The following ASAP2 variants were observed in gnomAD, a reference collection of about 807,000 sequenced individuals.
ASAP2 encodes ArfGAP with SH3 domain, ankyrin repeat and PH domain 2, also known as arf-GAP with SH3 domain, ANK repeat and PH domain-containing protein 2.
In ASAP2, 45 loss-of-function variants were observed where a neutral mutation model predicts 131.4. The observed-to-expected ratio is 0.34, with a 90% CI of 0.27 to 0.44. The LOEUF is 0.44. ASAP2 is among the 20% of genes least tolerant of loss of function. The pLI is 1.00. For missense variants in ASAP2, 1,011 were observed against 1,297.0 expected, an observed-to-expected ratio of 0.78 and a Z score of 3.39; for synonymous variants, 510 against 503.0, an observed-to-expected ratio of 1.01 and a Z score of -0.19.
intron 1 of ASAP2, among the ~76,000 whole-genome samples, chr2:9,269,393 G>A (rs1453219435): frequency 3.9e-5 from 6 of 152,204 alleles, no homozygotes; most frequent in Admixed American, 3.9e-4. Flanking sequence ...CTGTCCCGCA[G>A]GCCGTGTGTG....
At chr2:9,352,212 AACACACACACACACACACACAC>A (rs58275721) in intron 12 of ASAP2, among the ~76,000 whole-genome samples, 3 of 149,964 alleles carry the variant, frequency 2.0e-5, no homozygotes, top group Non-Finnish European at 4.4e-5. Flanking sequence ...AACACACACA[AACACACACACACACACACACAC>A]ACACACACAC....
chr2:9,284,474 C>T (rs1229522369), intron 2 of ASAP2, among the ~76,000 whole-genome samples: 1 of 152,100 alleles, frequency 6.6e-6, no homozygotes, highest in African/African-American at 2.4e-5. Context: ...ATCCAAGAAC[C>T]CTTGATTAAA....
chr2:9,232,739 G>T lies in ASAP2; in HGVS notation c.126+25509G>T, dbSNP rs986393508. Reference sequence around the variant, plus strand: ...AACTACAGCTTAGATTGCAGGGAGTGAGACATGCTGTTGCCGGAGCTCTGG... The same window carrying T: ...AACTACAGCTTAGATTGCAGGGAGTTAGACATGCTGTTGCCGGAGCTCTGG... On this transcript the variant is annotated intron_variant, in intron 1 of 27. Transcript: ENST00000281419. The surrounding 1 kb of genome is among the most constrained non-coding windows in gnomAD (Gnocchi z 4.1). Among the ~76,000 whole-genome samples, 38 of 152,192 alleles carry T rather than the reference G, an allele frequency of 2.5e-4. No homozygotes were observed. Among genetic ancestry groups the T allele is most frequent in the African/African-American group, 8.9e-4 (37 of 41,458 alleles).
At chr2:9,294,955 G>T (rs1668063271) in intron 2 of ASAP2, among the ~76,000 whole-genome samples, 9 of 152,124 alleles carry the variant, frequency 5.9e-5, no homozygotes, top group Admixed American at 5.9e-4. Flanking sequence ...GCCTGCCTGT[G>T]GCCACCAGCC....
At position 9,232,733 on chromosome 2, in the gene ASAP2, G is replaced by A. The variant is rs1436807568; in HGVS notation, c.126+25503G>A. ...ACAGGCAACTACAGCTTAGATTGCA[G>A]GGAGTGAGACATGCTGTTGCCGGAG... On this transcript the variant is annotated intron_variant, in intron 1 of 27. Coordinates refer to ENST00000281419, the MANE Select transcript of ASAP2 (RefSeq NM_003887.3). The surrounding 1 kb of genome is among the most constrained non-coding windows in gnomAD (Gnocchi z 4.1). 2.6e-5 allele frequency among the ~76,000 whole-genome samples: 4 copies of A among 152,218 alleles called. No individual in the cohort carries two copies. The East Asian group carries it at 7.7e-4, about 29-fold the overall frequency.
intron 18 of ASAP2, among the ~76,000 whole-genome samples, chr2:9,378,178 G>T (rs1353028598): frequency 6.6e-6 from 1 of 152,132 alleles, no homozygotes; most frequent in African/African-American, 2.4e-5. Flanking sequence ...GAAGCAGCAG[G>T]TGCCACTTCC....
intron 2 of ASAP2, among the ~76,000 whole-genome samples, chr2:9,291,287 T>A (rs1266955596): frequency 6.6e-6 from 1 of 152,214 alleles, no homozygotes; most frequent in African/African-American, 2.4e-5. Flanking sequence ...ATTAGTAAAT[T>A]GGAAATGAAA....
At chr2:9,388,260 T>C (rs1364404451) in intron 21 of ASAP2, 34 bp from the exon 22 acceptor site, 5 of 1,609,046 alleles carry the variant, frequency 3.1e-6, no homozygotes, top group Non-Finnish European at 4.2e-6. Context: ...TTCATATTTG[T>C]CTCACACGCC....
chr2:9,395,488 AT>A (rs200935497), intron 24 of ASAP2, among the ~76,000 whole-genome samples: 4 of 151,870 alleles, frequency 2.6e-5, no homozygotes, highest in African/African-American at 9.7e-5. Context: ...AAATAAAAAA[AT>A]AAAGAATTTG....
intron 2 of ASAP2, among the ~76,000 whole-genome samples, chr2:9,289,228 C>G (rs575815051): frequency 9.9e-5 from 15 of 152,196 alleles, no homozygotes; most frequent in Admixed American, 7.2e-4. Context: ...CCAGCCCTTC[C>G]CCATGCTCTG....
At chr2:9,287,317 A>G (rs1359282363) in intron 2 of ASAP2, among the ~76,000 whole-genome samples, 1 of 152,260 alleles carries the variant, frequency 6.6e-6, no homozygotes, top group Non-Finnish European at 1.5e-5. Flanking sequence ...TACGTGGCAC[A>G]TGCCCCAAAG....
intron 8 of ASAP2, 51 bp from the exon 9 acceptor site, chr2:9,335,042 C>T (rs1170986736): frequency 1.9e-6 from 3 of 1,570,452 alleles, no homozygotes; most frequent in East Asian, 2.2e-5. Flanking sequence ...TTTCACTGTA[C>T]CTCAGTCTTA....
chr2:9,283,925 T>A (rs1393795311), intron 2 of ASAP2, among the ~76,000 whole-genome samples: 3 of 152,198 alleles, frequency 2.0e-5, no homozygotes, highest in African/African-American at 7.2e-5. Context: ...TGGCCCCATC[T>A]CCAGACACCA....
chr2:9,215,447 C>T (rs191538769), intron 1 of ASAP2, among the ~76,000 whole-genome samples: 7 of 151,874 alleles, frequency 4.6e-5, no homozygotes, highest in African/African-American at 7.3e-5. Flanking sequence ...ATAAACAATA[C>T]GAGATATTTC....
At chr2:9,375,748 A>G (rs1674356145) in intron 17 of ASAP2, among the ~76,000 whole-genome samples, 1 of 152,262 alleles carries the variant, frequency 6.6e-6, no homozygotes, top group Non-Finnish European at 1.5e-5. Context: ...AAGACATCTC[A>G]GAAGCTAGGC....
intron 2 of ASAP2, among the ~76,000 whole-genome samples, chr2:9,286,858 G>A (rs1667501191): frequency 6.6e-6 from 1 of 152,168 alleles, no homozygotes; most frequent in South Asian, 2.1e-4. Flanking sequence ...AAAAGGAATA[G>A]ATGATAAATG....
chr2:9,296,100 C>T (rs1213984314), intron 2 of ASAP2, among the ~76,000 whole-genome samples: 1 of 152,214 alleles, frequency 6.6e-6, no homozygotes, highest in African/African-American at 2.4e-5. Flanking sequence ...AAGGCTGTCT[C>T]TGGTGGAGTT....
intron 2 of ASAP2, among the ~76,000 whole-genome samples, chr2:9,288,614 C>G (rs1009813646): frequency 6.6e-6 from 1 of 152,122 alleles, no homozygotes; most frequent in Admixed American, 6.5e-5. Flanking sequence ...GATTGCTTTG[C>G]CAACATGAAC....
intron 1 of ASAP2, among the ~76,000 whole-genome samples, chr2:9,245,757 A>G (rs1664293405): frequency 1.3e-5 from 2 of 152,136 alleles, no homozygotes; most frequent in South Asian, 2.1e-4. Flanking sequence ...TGTGCCATGC[A>G]TTAGTCGGTT....
Sources: allele counts gnomAD v4.1 joint callset (sites outside exome capture counted in the v4.1 genomes callset), GRCh38; gene constraint gnomAD v4.1.1; non-coding constraint Gnocchi (gnomAD v3.1); transcripts MANE v1.5; gene names NCBI Gene and HGNC (gene_info 2026-07-23, HGNC 2026-07-21).